The following RBIS variants were observed in gnomAD, a reference collection of about 807,000 sequenced individuals.
RBIS encodes ribosome biogenesis factor identified in screen.
In RBIS, 9 loss-of-function variants were observed where a neutral mutation model predicts 9.8. That is an observed-to-expected ratio of 0.92 (90% CI 0.56 to 1.61). RBIS has a LOEUF of 1.61. RBIS is among the 40% of genes most tolerant of loss of function. The pLI, the probability that RBIS is intolerant of heterozygous loss-of-function variation, is 0.00. For missense variants in RBIS, 103 were observed against 116.0 expected, an observed-to-expected ratio of 0.89 and a Z score of 0.51; for synonymous variants, 35 against 37.9, an observed-to-expected ratio of 0.92 and a Z score of 0.28.
intron 2 of RBIS, chr8:85,216,270 C>T (rs1395040366): frequency 1.3e-5 from 2 of 152,256 alleles, no homozygotes; most frequent in Non-Finnish European, 2.9e-5. Flanking sequence ...CCCCTGATGA[C>T]AGCTTCCCTC....
At chr8:85,219,088 G>A (rs530477025) in intron 1 of RBIS, 4 of 152,316 alleles carry the variant, frequency 2.6e-5, no homozygotes, top group Non-Finnish European at 2.9e-5. Flanking sequence ...AAGGGGCAAC[G>A]TGCCTTGGCT....
In RBIS at chr8:85,214,956, T is replaced by C; in HGVS notation, c.196A>G (p.Lys66Glu). 1 of 1,594,470 alleles carries C rather than the reference T, an allele frequency of 6.3e-7. No homozygotes were observed. The change falls in exon 3 of 4, where the codon AAA (lysine) becomes GAA (glutamate). Residue 66 changes from lysine to glutamate, a missense_variant. Coordinates refer to ENST00000619594, the MANE Select transcript of RBIS (RefSeq NM_001099673.3). ...TGCAGAGGTTCAAGTGAAATGCTTT[T>C]TGCGAAATGTGCAAGTTCCTTTTGT... Reference protein sequence around the residue: ...NVQKELAHFAKSISLEPLQKE... With the variant: ...NVQKELAHFAESISLEPLQKE...
chr8:85,216,043 A>G (rs903667544), intron 2 of RBIS: 1 of 152,170 alleles, frequency 6.6e-6, no homozygotes, highest in African/African-American at 2.4e-5. Context: ...CTGCCCCACA[A>G]ATCTAGTATT....
Position 85,215,217 on chromosome 8 carries a change from A to C in RBIS, c.115-180T>G, listed in dbSNP as rs73263598. The C allele has an allele frequency of 6.0e-5, 23 of 384,804 alleles. No individual in the cohort carries two copies. In the East Asian group the frequency reaches 1.1e-3, roughly 18 times the overall value. The allele number at this position is 384,804 out of a possible 1,614,324, so 23.8% of individuals were successfully genotyped here. ...ACAGACAAAAAGTTTTGGTTTTTAA[A>C]AAATGGGATTTATGTGGCTATGCCT... On this transcript the variant is annotated intron_variant, in intron 2 of 3. Transcript: ENST00000619594.
intron 3 of RBIS, 83 bp downstream of exon 3, chr8:85,214,838 C>T (rs984444120): frequency 6.0e-6 from 5 of 829,096 alleles, no homozygotes; most frequent in African/African-American, 5.2e-5. Context: ...TTACACTCAA[C>T]TTACAGGCTT....
chr8:85,214,762 T>C (rs1813067483), intron 3 of RBIS, 131 bp from the exon 4 acceptor site: 2 of 768,878 alleles, frequency 2.6e-6, no homozygotes, highest in African/African-American at 3.5e-5. Context: ...ATTCTGACAA[T>C]GTTTTAGAGT....
At position 85,217,223 on chromosome 8, in the gene RBIS, TC is replaced by T. The variant is rs568547121; in HGVS notation, c.114+162del. The stretch of plus-strand genomic sequence containing the variant: ...TTCAAGAAAGGGAGGTTATTTTTCT[TC>T]CTTTTTTTTTATATTTTTTTAGACA... On this transcript the variant is annotated intron_variant, in intron 2 of 3. Coordinates refer to ENST00000619594, the MANE Select transcript of RBIS (RefSeq NM_001099673.3). The T allele has an allele frequency of 1.7e-5, 11 of 666,552 alleles. No individual in the cohort carries two copies. In the African/African-American group the frequency reaches 1.8e-4, roughly 11 times the overall value. 41.3% of individuals were successfully genotyped at this position (666,552 alleles called of 1,614,324 possible). A position where few individuals can be genotyped will look rare whatever the true frequency, so the allele number is the denominator to read the frequency against.
At chr8:85,219,366 T>G (rs1324168137) in intron 1 of RBIS, 1 of 152,040 alleles carries the variant, frequency 6.6e-6, no homozygotes, top group Admixed American at 6.6e-5. Flanking sequence ...TCCTCCTACT[T>G]AAAAAAGAAT....
chr8:85,220,280 GA>G (rs1327680095), intron 1 of RBIS, 25 bp downstream of exon 1: 1 of 152,318 alleles, frequency 6.6e-6, no homozygotes, highest in Non-Finnish European at 1.5e-5. Context: ...CAGCCCTCCA[GA>G]AAACTTAATT....
intron 2 of RBIS, chr8:85,215,490 A>G (rs1489505763): frequency 6.6e-6 from 1 of 152,330 alleles, no homozygotes; most frequent in Non-Finnish European, 1.5e-5. Flanking sequence ...TTTCTGCTCC[A>G]GAGGAGTGGG....
chr8:85,219,482 G>A (rs966229430), intron 1 of RBIS: 1 of 152,116 alleles, frequency 6.6e-6, no homozygotes, highest in African/African-American at 2.4e-5. Context: ...GGGCGCGGTG[G>A]CTCATGCCTG....
At chr8:85,216,291 T>C (rs1813150902) in intron 2 of RBIS, 1 of 152,276 alleles carries the variant, frequency 6.6e-6, no homozygotes, top group Non-Finnish European at 1.5e-5. Context: ...GCAGTCCTCC[T>C]CTTGAGTTTA....
chr8:85,217,270 C>G, intron 2 of RBIS, 116 bp downstream of exon 2: 1 of 736,694 alleles, frequency 1.4e-6, no homozygotes. Flanking sequence ...ACCATCCTTA[C>G]CTTTCTAGGA....
At chr8:85,219,242 T>A (rs1045918507) in intron 1 of RBIS, 1 of 152,216 alleles carries the variant, frequency 6.6e-6, no homozygotes, top group Non-Finnish European at 1.5e-5. Context: ...TTACCTTTGC[T>A]CAGTCGTAGT....
At chr8:85,215,139 C>A in intron 2 of RBIS, 102 bp from the exon 3 acceptor site, 1 of 487,534 alleles carries the variant, frequency 2.1e-6, no homozygotes, top group Non-Finnish European at 3.6e-6. Context: ...AAACTCTTAC[C>A]AACAAATTAG....
rs1031002260 is a variant in RBIS, at chr8:85,214,164, A to C, written c.*396T>G. 1.9e-6 allele frequency: 1 copy of C among 537,482 alleles called. No homozygotes were observed. Among genetic ancestry groups the C allele is most frequent in the Non-Finnish European group, 3.5e-6 (1 of 281,904 alleles). 33.3% of individuals were successfully genotyped at this position (537,482 alleles called of 1,614,324 possible). On this transcript the variant is annotated 3_prime_UTR_variant, in exon 4 of 4. Transcript: ENST00000619594. ...CTTCTGTTTTTTCTTCTTAAGGAGG[A>C]AAGTTAAAGGACACTACAGGTCATC...
chr8:85,214,480 A>T lies in RBIS; in HGVS notation c.*80T>A. ...TAAAATGTGCCAATGCCTGTACATT[A>T]ACAAGATTTTTAAAAATAAAATTGT... On this transcript the variant is annotated 3_prime_UTR_variant, in exon 4 of 4. Transcript: ENST00000619594. 1.0e-6 allele frequency: 1 copy of T among 1,003,748 alleles called. No individual in the cohort carries two copies. Among genetic ancestry groups the T allele is most frequent in the Non-Finnish European group, 1.6e-6 (1 of 642,732 alleles). The allele number at this position is 1,003,748 out of a possible 1,614,324, so 62.2% of individuals were successfully genotyped here. A position where few individuals can be genotyped will look rare whatever the true frequency, so the allele number is the denominator to read the frequency against.
chr8:85,216,957 C>T (rs1167595339), intron 2 of RBIS: 7 of 217,944 alleles, frequency 3.2e-5, no homozygotes, highest in Middle Eastern at 1.5e-3. Context: ...CTTCATTTTA[C>T]AGGTTTTTGT....
At chr8:85,214,660 A>G in intron 3 of RBIS, 29 bp from the exon 4 acceptor site, 1 of 1,335,248 alleles carries the variant, frequency 7.5e-7, no homozygotes, top group Non-Finnish European at 1.1e-6. Flanking sequence ...ATATTTAAAA[A>G]CACAGACAAC....
Sources: allele counts gnomAD v4.1 joint callset, GRCh38; gene constraint gnomAD v4.1.1; transcripts MANE v1.5; gene names NCBI Gene and HGNC (gene_info 2026-07-23, HGNC 2026-07-21).